COL8A1: variants seen among roughly 807,000 people sequenced by gnomAD.
COL8A1 encodes the protein collagen type VIII alpha 1 chain.
COL8A1 carries 21 observed loss-of-function variants against 42.7 expected under a neutral mutation model. The observed-to-expected ratio is 0.49, with a 90% CI of 0.35 to 0.71. The LOEUF is 0.71. COL8A1 is among the 30% of genes least tolerant of loss of function. The pLI, the probability that COL8A1 is intolerant of heterozygous loss-of-function variation, is 0.01. For missense variants in COL8A1, 788 were observed against 962.4 expected (o/e 0.82, Z 2.40); for synonymous variants, 367 against 369.1 (o/e 0.99, Z 0.06).
intron 1 of COL8A1, among the ~76,000 whole-genome samples, chr3:99,720,597 A>G (rs1396868098): frequency 6.6e-6 from 1 of 152,180 alleles, no homozygotes; most frequent in African/African-American, 2.4e-5. Flanking sequence ...ACATTCACCA[A>G]AAGGCAGCCT....
intron 1 of COL8A1, among the ~76,000 whole-genome samples, chr3:99,655,835 C>T (rs1280650675): frequency 6.6e-6 from 1 of 152,086 alleles, no homozygotes; most frequent in East Asian, 1.9e-4. Context: ...CAGAACATAG[C>T]CAACTTGAAG....
At chr3:99,763,793 C>G (rs768197613) in intron 2 of COL8A1, among the ~76,000 whole-genome samples, 1 of 152,190 alleles carries the variant, frequency 6.6e-6, no homozygotes, top group Non-Finnish European at 1.5e-5. Flanking sequence ...TGGTCACCAT[C>G]TACTCTGCCG....
At chr3:99,665,960 G>A (rs573220164) in intron 1 of COL8A1, among the ~76,000 whole-genome samples, 3 of 151,950 alleles carry the variant, frequency 2.0e-5, no homozygotes, top group African/African-American at 7.2e-5. Context: ...TAAAGTGCTG[G>A]GATTACAGGT....
chr3:99,757,392 C>T (rs1941275100), intron 2 of COL8A1, among the ~76,000 whole-genome samples: 1 of 152,134 alleles, frequency 6.6e-6, no homozygotes, highest in Non-Finnish European at 1.5e-5. Context: ...AGATTTTTAT[C>T]TTAGGTTCCT....
At chr3:99,702,886 G>A (rs1454455079) in intron 1 of COL8A1, among the ~76,000 whole-genome samples, 1 of 152,146 alleles carries the variant, frequency 6.6e-6, no homozygotes. Flanking sequence ...ACATGGTCAA[G>A]GAAGGCTTCA....
intron 1 of COL8A1, chr3:99,703,365 G>A (rs942100559): frequency 1.3e-5 from 2 of 152,176 alleles, no homozygotes; most frequent in African/African-American, 4.8e-5. Flanking sequence ...CAGGAGAACA[G>A]CCCTGGCAGC....
At chr3:99,663,074 G>A (rs1042319211) in intron 1 of COL8A1, among the ~76,000 whole-genome samples, 1 of 152,176 alleles carries the variant, frequency 6.6e-6, no homozygotes, top group Non-Finnish European at 1.5e-5. Flanking sequence ...AATGAGGAAT[G>A]CTTATAGAGA....
intron 1 of COL8A1, among the ~76,000 whole-genome samples, chr3:99,733,550 G>A (rs1940594469): frequency 6.6e-6 from 1 of 151,936 alleles, no homozygotes. Flanking sequence ...GTCTATCATT[G>A]TTGGACGTTT....
At chr3:99,775,470 C>T (rs755891265) in intron 2 of COL8A1, among the ~76,000 whole-genome samples, 2 of 152,144 alleles carry the variant, frequency 1.3e-5, no homozygotes, top group African/African-American at 2.4e-5. Context: ...AGCCAGTTTC[C>T]GTGGAGCTTT....
At chr3:99,677,751 A>G (rs1938745686) in intron 1 of COL8A1, 1 of 152,160 alleles carries the variant, frequency 6.6e-6, no homozygotes, top group African/African-American at 2.4e-5. Flanking sequence ...ACTCCTCCAG[A>G]CGTTTCCATA....
chr3:99,684,107 T>A (rs1226178892), intron 1 of COL8A1, among the ~76,000 whole-genome samples: 1 of 152,190 alleles, frequency 6.6e-6, no homozygotes, highest in Non-Finnish European at 1.5e-5. Context: ...CATGATGTTC[T>A]GGACTTGTTT....
At chr3:99,684,882 G>C (rs906967993) in intron 1 of COL8A1, among the ~76,000 whole-genome samples, 2 of 152,162 alleles carry the variant, frequency 1.3e-5, no homozygotes, top group African/African-American at 4.8e-5. Context: ...GGATTAGCAT[G>C]ACTGAATTAT....
intron 1 of COL8A1, among the ~76,000 whole-genome samples, chr3:99,733,153 T>G (rs1003115047): frequency 1.1e-4 from 16 of 149,244 alleles, no homozygotes; most frequent in Non-Finnish European, 1.5e-5. Context: ...TTTTTTTTAT[T>G]ATTATTATTA....
At chr3:99,733,112 T>G (rs574783605) in intron 1 of COL8A1, among the ~76,000 whole-genome samples, 1 of 139,798 alleles carries the variant, frequency 7.2e-6, no homozygotes, top group African/African-American at 2.8e-5. Context: ...CTCTCCCAGC[T>G]TTTTTCTTTT....
chr3:99,705,282 T>C (rs1267007931), intron 1 of COL8A1, among the ~76,000 whole-genome samples: 2 of 152,254 alleles, frequency 1.3e-5, no homozygotes, highest in Admixed American at 6.5e-5. Context: ...GCCTCTGTTA[T>C]GAATTAAGTA....
chr3:99,639,575 A>C (rs984706507), intron 1 of COL8A1, among the ~76,000 whole-genome samples: 1 of 152,196 alleles, frequency 6.6e-6, no homozygotes, highest in Non-Finnish European at 1.5e-5. Flanking sequence ...ATTATCAGAG[A>C]TATTCAGTGT....
At chr3:99,776,062 C>T (rs1290019640) in intron 2 of COL8A1, among the ~76,000 whole-genome samples, 2 of 152,210 alleles carry the variant, frequency 1.3e-5, no homozygotes, top group African/African-American at 2.4e-5. Flanking sequence ...ACTTATATCA[C>T]ATTGGCATTT....
chr3:99,695,092 T>C (rs747654234), intron 1 of COL8A1, among the ~76,000 whole-genome samples: 3 of 152,134 alleles, frequency 2.0e-5, no homozygotes, highest in Non-Finnish European at 2.9e-5. Context: ...TTAATGGAAA[T>C]ATGAGAGCTA....
At chr3:99,721,430 A>AAAGGGG (rs71821061) in intron 1 of COL8A1, among the ~76,000 whole-genome samples, 12 of 142,154 alleles carry the variant, frequency 8.4e-5, no homozygotes, top group African/African-American at 3.2e-4. Context: ...AGGGAAAGGG[A>AAAGGGG]AAGGGGAAGG....
Sources: gnomAD v4.1 joint callset for allele counts (sites outside exome capture counted in the v4.1 genomes callset) on GRCh38, gnomAD v4.1.1 for gene constraint, MANE v1.5 for transcripts, NCBI Gene and HGNC (gene_info 2026-07-23, HGNC 2026-07-21) for gene names.